Variants in KIF18A observed in about 807,000 individuals in gnomAD.
The protein encoded by KIF18A is kinesin family member 18A, also known as kinesin-like protein KIF18A.
Under a neutral mutation model 103.3 loss-of-function variants are expected in KIF18A, and 67 were observed. That is an observed-to-expected ratio of 0.65 (90% CI 0.53 to 0.79). The LOEUF (loss-of-function observed/expected upper bound fraction) is 0.79, where lower values mean the gene tolerates loss of function less well. Ranked by LOEUF, KIF18A falls within the 30% of genes least tolerant of loss-of-function variation. The probability of loss-of-function intolerance (pLI) is 0.00; values close to 1 mark genes in which losing one functional copy is unlikely to be tolerated. For synonymous variants in KIF18A, 367 were observed against 355.5 expected (o/e 1.03, Z -0.36); for missense variants, 1,032 against 1,062.5 (o/e 0.97, Z 0.40).
At position 28,036,652 on chromosome 11, in the gene KIF18A, C is replaced by T. The variant is rs758471172; in HGVS notation, c.1961G>A (p.Gly654Asp). 2.5e-6 allele frequency: 4 copies of T among 1,586,740 alleles called. No homozygotes were observed. The highest frequency in any genetic ancestry group is 1.7e-5 in the Admixed American group (1 of 57,368). ...AGGAATCTTAACCAGATTAGTTCCA[C>T]CTGAAGATGAGCCTATTCAAAAAAA... The part of the protein sequence containing the change: ...VQPIPCCSSS[G>D]GTNLVKIPTE... Residue 654 changes from glycine (G) to aspartate (D), a missense_variant, in exon 14 of 17, where the codon GGT becomes GAT. Gly to Asp is a moderately conservative substitution (Grantham distance 94). Transcript: ENST00000263181.
chr11:28,045,777 T>C (rs968625554), intron 13 of KIF18A, among the ~76,000 whole-genome samples: 10 of 152,150 alleles, frequency 6.6e-5, no homozygotes, highest in East Asian at 1.9e-4. Flanking sequence ...TTTAGAAATA[T>C]TGTAGGTTGC....
chr11:28,087,640 C>T (rs909838506), intron 6 of KIF18A, among the ~76,000 whole-genome samples: 2 of 152,142 alleles, frequency 1.3e-5, no homozygotes, highest in East Asian at 3.8e-4. Flanking sequence ...ATTTCTGGTT[C>T]TAGATCCTTG....
chr11:28,068,492 A>G (rs1044698879), intron 11 of KIF18A, among the ~76,000 whole-genome samples: 4 of 151,804 alleles, frequency 2.6e-5, no homozygotes, highest in Non-Finnish European at 5.9e-5. Context: ...AAAAAAAAAA[A>G]GACAATCTTT....
At chr11:28,023,657 T>G (rs370591664) in intron 16 of KIF18A, 84 bp downstream of exon 16, 6 of 639,738 alleles carry the variant, frequency 9.4e-6, no homozygotes, top group Non-Finnish European at 1.6e-5. Flanking sequence ...GAGATTCTTA[T>G]GAAAACACAA....
At chr11:28,027,086 T>C (rs1781095757) in intron 15 of KIF18A, among the ~76,000 whole-genome samples, 1 of 151,838 alleles carries the variant, frequency 6.6e-6, no homozygotes, top group Non-Finnish European at 1.5e-5. Flanking sequence ...GTAGCACAAA[T>C]AAGTAGGCTA....
intron 10 of KIF18A, among the ~76,000 whole-genome samples, chr11:28,074,645 A>G (rs1003558153): frequency 1.3e-5 from 2 of 152,154 alleles, no homozygotes; most frequent in South Asian, 2.1e-4. Flanking sequence ...TTCCCATTTC[A>G]TAGGCTAACA....
intron 13 of KIF18A, among the ~76,000 whole-genome samples, chr11:28,055,615 A>G (rs923111486): frequency 1.7e-4 from 26 of 152,166 alleles, no homozygotes; most frequent in Non-Finnish European, 1.5e-5. Context: ...GCAGGACCTC[A>G]GGAAACTACA....
intron 13 of KIF18A, among the ~76,000 whole-genome samples, chr11:28,045,822 A>C (rs1958263174): frequency 6.6e-6 from 1 of 152,080 alleles, no homozygotes; most frequent in Non-Finnish European, 1.5e-5. Flanking sequence ...AATATCCAGA[A>C]TCTACAATGA....
At chr11:28,065,887 CAT>C (rs1381432193) in intron 11 of KIF18A, among the ~76,000 whole-genome samples, 7 of 151,952 alleles carry the variant, frequency 4.6e-5, no homozygotes, top group African/African-American at 1.4e-4. Context: ...TATACACAAA[CAT>C]ATTTAAAATT....
In KIF18A at chr11:28,077,187, C is replaced by T. The variant is rs1353329077; in HGVS notation, c.1263-18G>A. ...CTTGAAACCTACCAAAATTAAAACA[C>T]ATTACAGAATCTCACTAATTTTGTA... On this transcript the variant is annotated intron_variant, in intron 9 of 16. Coordinates refer to ENST00000263181, the MANE Select transcript of KIF18A (RefSeq NM_031217.4). 1.3e-6 allele frequency: 2 copies of T among 1,532,426 alleles called. No individual in the cohort carries two copies. Among genetic ancestry groups the T allele is most frequent in the Non-Finnish European group, 1.7e-6 (2 of 1,145,080 alleles). 94.9% of individuals were successfully genotyped at this position (1,532,426 alleles called of 1,614,324 possible).
Position 28,082,934 on chromosome 11 carries a change from T to C in KIF18A, c.1184A>G (p.Glu395Gly), listed in dbSNP as rs1474007826. 6.3e-7 allele frequency: 1 copy of C among 1,599,788 alleles called. No homozygotes were observed. Among genetic ancestry groups the C allele is most frequent in the Non-Finnish European group, 8.5e-7 (1 of 1,172,306 alleles). The part of the protein sequence containing the change: ...LLLKEKLKAY[E>G]EQKAFTNEND... ...TTCATTAGTGAAGGCTTTCTGTTCT[T>C]CATAGGCTTTTAGTTTTTCTTTTAA... The change falls in exon 9 of 17, where the codon GAA (glutamate) becomes GGA (glycine). Residue 395 changes from glutamate to glycine, a missense_variant. Coordinates refer to ENST00000263181, the MANE Select transcript of KIF18A (RefSeq NM_031217.4).
intron 1 of KIF18A, among the ~76,000 whole-genome samples, chr11:28,101,022 C>T (rs1851439578): frequency 1.3e-5 from 2 of 152,152 alleles, no homozygotes; most frequent in African/African-American, 4.8e-5. Flanking sequence ...AATACCAATT[C>T]TCTTCCTATC....
At chr11:28,061,163 T>A (rs956175539) in intron 12 of KIF18A, among the ~76,000 whole-genome samples, 2 of 152,184 alleles carry the variant, frequency 1.3e-5, no homozygotes, top group African/African-American at 4.8e-5. Flanking sequence ...TATTTTTATG[T>A]TTAATCTTTT....
intron 14 of KIF18A, 94 bp downstream of exon 14, chr11:28,036,123 C>A: frequency 1.4e-6 from 1 of 728,858 alleles, no homozygotes; most frequent in Non-Finnish European, 2.2e-6. Flanking sequence ...GTTTTATAAT[C>A]AAAATGGCAC....
chr11:28,093,973 T>A (rs1048094807), intron 3 of KIF18A, among the ~76,000 whole-genome samples: 1 of 152,138 alleles, frequency 6.6e-6, no homozygotes, highest in East Asian at 1.9e-4. Flanking sequence ...ATAAAACTGA[T>A]CAAAGTTAAC....
Position 28,088,617 on chromosome 11 carries a change from G to A in KIF18A, c.804C>T (p.Ser268=), listed in dbSNP as rs371665658. 6.2e-6 allele frequency: 10 copies of A among 1,613,788 alleles called. No homozygotes were observed. The highest frequency in any genetic ancestry group is 4.4e-5 in the South Asian group (4 of 91,064). The change falls in exon 6 of 17, where the codon TCC becomes TCT. Residue 268 remains serine, a synonymous_variant. Coordinates refer to ENST00000263181, the MANE Select transcript of KIF18A (RefSeq NM_031217.4). ...CTACAAATCGGGTCCCCTTAGCACC[G>A]GAAGTACTTGCTCGCTCAGATCCTG... The part of the protein sequence containing the change: ...DLAGSERAST[S]GAKGTRFVEG...
intron 3 of KIF18A, among the ~76,000 whole-genome samples, chr11:28,092,207 G>A (rs996526380): frequency 6.6e-6 from 1 of 151,954 alleles, no homozygotes; most frequent in Non-Finnish European, 1.5e-5. Flanking sequence ...TTCTTACTGT[G>A]GAAGATATCT....
Position 28,020,840 on chromosome 11 carries a change from T to C in KIF18A, c.*360A>G. 1 of 153,564 alleles carries C rather than the reference T, an allele frequency of 6.5e-6. No homozygotes were observed. Among genetic ancestry groups the C allele is most frequent in the East Asian group, 1.9e-4 (1 of 5,228 alleles). 9.5% of individuals were successfully genotyped at this position (153,564 alleles called of 1,614,324 possible). A position where few individuals can be genotyped will look rare whatever the true frequency, so the allele number is the denominator to read the frequency against. On this transcript the variant is annotated 3_prime_UTR_variant, in exon 17 of 17. Coordinates refer to ENST00000263181, the MANE Select transcript of KIF18A (RefSeq NM_031217.4). ...CCATAATTTTACCACTTCTAAATTCTTATTTTTAAAAAATAATAAAGATAA... is the reference window on the plus strand; with the variant it reads ...CCATAATTTTACCACTTCTAAATTCCTATTTTTAAAAAATAATAAAGATAA...
At chr11:28,022,339 A>G (rs1361462334) in intron 16 of KIF18A, among the ~76,000 whole-genome samples, 1 of 150,610 alleles carries the variant, frequency 6.6e-6, no homozygotes, top group Non-Finnish European at 1.5e-5. Flanking sequence ...ATCTCGGCTC[A>G]CTGCAAGCTC....
Sources: gnomAD v4.1 joint callset for allele counts (sites outside exome capture counted in the v4.1 genomes callset) on GRCh38, gnomAD v4.1.1 for gene constraint, MANE v1.5 for transcripts, NCBI Gene and HGNC (gene_info 2026-07-23, HGNC 2026-07-21) for gene names.